KIAA0586: variants seen among roughly 807,000 people sequenced by gnomAD.
KIAA0586 encodes the protein protein TALPID3.
In KIAA0586, 144 loss-of-function variants were observed where a neutral mutation model predicts 169.8. The ratio of observed to expected loss-of-function variants is 0.85; its 90% CI spans 0.74 to 0.97. The LOEUF is 0.97. KIAA0586 is among the 50% of genes least tolerant of loss of function. The probability of loss-of-function intolerance (pLI) is 0.00; values close to 1 mark genes in which losing one functional copy is unlikely to be tolerated. For missense variants in KIAA0586, 1,854 were observed against 1,823.0 expected (o/e 1.02, Z -0.31); for synonymous variants, 625 against 612.4 (o/e 1.02, Z -0.30).
Position 58,465,953 on chromosome 14 carries a change from G to A in KIAA0586, c.2178G>A (p.Leu726=), listed in dbSNP as rs1230214414. Residue 726 remains leucine, a synonymous_variant, in exon 15 of 31, where the codon TTG becomes TTA. Transcript: ENST00000652326. ...TACCTCATGGCGATCAGCAATATTTGTTCAGCCCAAGTAGAGAAATGCCTA... is the reference window on the plus strand; with the variant it reads ...TACCTCATGGCGATCAGCAATATTTATTCAGCCCAAGTAGAGAAATGCCTA... The part of the protein sequence containing the change: ...PVLPHGDQQY[L]FSPSREMPTF... 1.9e-6 allele frequency: 3 copies of A among 1,613,382 alleles called. No homozygotes were observed. Among genetic ancestry groups the A allele is most frequent in the Non-Finnish European group, 2.5e-6 (3 of 1,179,522 alleles).
intron 29 of KIAA0586, among the ~76,000 whole-genome samples, chr14:58,518,438 A>G (rs1409713202): frequency 1.3e-5 from 2 of 152,234 alleles, no homozygotes; most frequent in Non-Finnish European, 2.9e-5. Flanking sequence ...ACTAACTGGA[A>G]ACAAAGAAAA....
intron 20 of KIAA0586, among the ~76,000 whole-genome samples, chr14:58,478,888 A>G (rs1041375708): frequency 7.9e-5 from 12 of 152,218 alleles, no homozygotes; most frequent in African/African-American, 2.9e-4. Flanking sequence ...TATTTTGACA[A>G]TCATGCTATT....
intron 29 of KIAA0586, among the ~76,000 whole-genome samples, chr14:58,525,214 C>T (rs967983727): frequency 2.6e-5 from 4 of 152,126 alleles, no homozygotes; most frequent in African/African-American, 9.6e-5. Context: ...AATTGTTTCT[C>T]TTCAGTGAAT....
chr14:58,523,318 C>T (rs958889023), intron 29 of KIAA0586, among the ~76,000 whole-genome samples: 1 of 151,984 alleles, frequency 6.6e-6, no homozygotes, highest in African/African-American at 2.4e-5. Flanking sequence ...TTGGGTTTTT[C>T]TCATCTTTTT....
chr14:58,557,901 CTTTTT>C, the KIAA0586 span, among the ~76,000 whole-genome samples: 96 of 42,504 alleles, frequency 2.3e-3, 2 homozygotes, highest in East Asian at 0.01. Flanking sequence ...CCTGAGAAAT[CTTTTT>C]TTTTTTTTTT....
chr14:58,460,403 A>G (rs1389617330), intron 13 of KIAA0586, among the ~76,000 whole-genome samples: 1 of 152,076 alleles, frequency 6.6e-6, no homozygotes. Context: ...GCGTGTGTGT[A>G]TATAGTTTAT....
At chr14:58,482,119 C>G (rs551238618) in intron 20 of KIAA0586, among the ~76,000 whole-genome samples, 1 of 151,984 alleles carries the variant, frequency 6.6e-6, no homozygotes, top group East Asian at 2.0e-4. Flanking sequence ...GCCGGCATCT[C>G]TGAACTTTTA....
intron 20 of KIAA0586, 102 bp from the exon 21 acceptor site, chr14:58,482,411 G>A: frequency 2.3e-6 from 2 of 885,504 alleles, no homozygotes; most frequent in Non-Finnish European, 3.2e-6. Context: ...GGGTGACAGA[G>A]TGACACTACG....
chr14:58,456,615 G>A (rs761289029), intron 9 of KIAA0586, 87 bp from the exon 10 acceptor site: 13 of 700,036 alleles, frequency 1.9e-5, no homozygotes, highest in Non-Finnish European at 2.8e-5. Context: ...TCAAAGATTT[G>A]TGTAATGAAA....
Position 58,459,862 on chromosome 14 carries a change from A to C in KIAA0586, c.1676A>C (p.Asp559Ala). ...GTTAAGGATGAACTGTCAAGAACAG[A>C]TTATGAACAAAAAAGATTTGATCAG... ...AEIQDELSRT[D>A]YEQKRFDQKN... Residue 559 changes from aspartate to alanine, a missense_variant, in exon 13 of 31, where the codon GAT becomes GCT. Transcript: ENST00000652326. The C allele has an allele frequency of 6.5e-7, 1 of 1,528,908 alleles. No homozygotes were observed. Among genetic ancestry groups the C allele is most frequent in the Non-Finnish European group, 8.7e-7 (1 of 1,143,376 alleles). 94.7% of individuals were successfully genotyped at this position (1,528,908 alleles called of 1,614,324 possible).
chr14:58,507,258 A>G (rs1250790950), intron 27 of KIAA0586, among the ~76,000 whole-genome samples: 1 of 136,146 alleles, frequency 7.3e-6, no homozygotes, highest in Non-Finnish European at 1.6e-5. Flanking sequence ...TAAATCATGT[A>G]TGATTTATAT....
rs2047149020 is a variant in KIAA0586, at chr14:58,549,409, A to G, written c.*1477A>G. The G allele has an allele frequency of 6.6e-6, 1 of 152,088 alleles. No individual in the cohort carries two copies. The highest frequency in any genetic ancestry group is 6.5e-5 in the Admixed American group (1 of 15,270). 9.4% of individuals were successfully genotyped at this position (152,088 alleles called of 1,614,324 possible). ...CAAGGCTGAGAATTACTGAAGAGCAATTTAGAATTCCTTAAACTTCTAGTA... is the reference window on the plus strand; with the variant it reads ...CAAGGCTGAGAATTACTGAAGAGCAGTTTAGAATTCCTTAAACTTCTAGTA... On this transcript the variant is annotated 3_prime_UTR_variant, in exon 31 of 31. Transcript: ENST00000652326.
In KIAA0586 at chr14:58,465,880, C is replaced by T. The variant is rs1490463064; in HGVS notation, c.2105C>T (p.Thr702Ile). Reference sequence around the variant, plus strand: ...AGAACACAGACTGACTTCTATGCAACAAAACCTAAGAAGATGGATTCTAAA... The same window carrying T: ...AGAACACAGACTGACTTCTATGCAATAAAACCTAAGAAGATGGATTCTAAA... The part of the protein sequence containing the change: ...SIRTQTDFYA[T>I]KPKKMDSKMK... The change falls in exon 15 of 31, where the codon ACA becomes ATA. Residue 702 changes from threonine to isoleucine, a missense_variant. Physicochemically the swap from Thr to Ile is moderately conservative, Grantham distance 89. Transcript: ENST00000652326. The T allele has an allele frequency of 1.2e-6, 2 of 1,612,248 alleles. No homozygotes were observed. Among genetic ancestry groups the T allele is most frequent in the South Asian group, 1.1e-5 (1 of 90,754 alleles).
At chr14:58,431,342 A>G (rs1396749133) in intron 3 of KIAA0586, among the ~76,000 whole-genome samples, 1 of 152,168 alleles carries the variant, frequency 6.6e-6, no homozygotes, top group Non-Finnish European at 1.5e-5. Context: ...AGCTCACTGC[A>G]ACCTCCAGCT....
At chr14:58,493,336 G>A (rs977702823) in intron 26 of KIAA0586, among the ~76,000 whole-genome samples, 1 of 152,138 alleles carries the variant, frequency 6.6e-6, no homozygotes, top group African/African-American at 2.4e-5. Flanking sequence ...ATTTTGTGGG[G>A]AAACTAATGA....
At chr14:58,447,352 C>T (rs890520774) in intron 6 of KIAA0586, among the ~76,000 whole-genome samples, 1 of 152,026 alleles carries the variant, frequency 6.6e-6, no homozygotes, top group Middle Eastern at 3.2e-3. Context: ...ATATATACAC[C>T]TACTGTGTAC....
In KIAA0586 at chr14:58,477,232, TC is replaced by T; in HGVS notation, c.2936del (p.Ser979LeufsTer22). On this transcript the variant is annotated frameshift_variant, in exon 20 of 31. Coordinates refer to ENST00000652326, the MANE Select transcript of KIAA0586 (RefSeq NM_001329943.3). LOFTEE classifies it high-confidence loss of function. ...SVSETSEPLT[S>X]DIVEGTSSGA... ...CAGTGAGACAAGTGAACCACTGACTTCTGACATTGGTAAGTGAAATAGAATT... is the reference window on the plus strand; with the variant it reads ...CAGTGAGACAAGTGAACCACTGACTTTGACATTGGTAAGTGAAATAGAATT... 6.6e-7 allele frequency: 1 copy of T among 1,507,292 alleles called. No homozygotes were observed. The highest frequency in any genetic ancestry group is 9.1e-7 in the Non-Finnish European group (1 of 1,100,712). 93.4% of individuals were successfully genotyped at this position (1,507,292 alleles called of 1,614,324 possible). A position where few individuals can be genotyped will look rare whatever the true frequency, so the allele number is the denominator to read the frequency against.
Position 58,428,144 on chromosome 14 carries a change from T to G in KIAA0586, c.-121T>G. On this transcript the variant is annotated 5_prime_UTR_variant, in exon 1 of 31. Transcript: ENST00000652326. ...ATCAGAATTTAGATTTTCAGCTTTG[T>G]GGATGTTCGACATTTTAAAAACAGT... The G allele has an allele frequency of 6.8e-7, 1 of 1,476,274 alleles. No homozygotes were observed. Among genetic ancestry groups the G allele is most frequent in the Non-Finnish European group, 8.9e-7 (1 of 1,117,454 alleles). 91.4% of individuals were successfully genotyped at this position (1,476,274 alleles called of 1,614,324 possible).
intron 26 of KIAA0586, among the ~76,000 whole-genome samples, chr14:58,498,078 C>T (rs2043288527): frequency 1.3e-5 from 2 of 151,940 alleles, no homozygotes; most frequent in Admixed American, 1.3e-4. Flanking sequence ...GGGGTTTCAC[C>T]ATGTTGGCCT....
Sources: gnomAD v4.1 joint callset for allele counts (sites outside exome capture counted in the v4.1 genomes callset) on GRCh38, gnomAD v4.1.1 for gene constraint, MANE v1.5 for transcripts, NCBI Gene and HGNC (gene_info 2026-07-23, HGNC 2026-07-21) for gene names.